NKAIN2: variants seen among roughly 807,000 people sequenced by gnomAD.
The protein encoded by NKAIN2 is sodium/potassium-transporting ATPase subunit beta-1-interacting protein 2.
In NKAIN2, 14 loss-of-function variants were observed where a neutral mutation model predicts 32.6. The ratio of observed to expected loss-of-function variants is 0.43; its 90% CI spans 0.28 to 0.67. The LOEUF is 0.67. NKAIN2 is among the 30% of genes least tolerant of loss of function. NKAIN2 has a pLI of 0.17. For synonymous variants in NKAIN2, 80 were observed against 87.2 expected, an observed-to-expected ratio of 0.92 and a Z score of 0.46; for missense variants, 198 against 258.3, an observed-to-expected ratio of 0.77 and a Z score of 1.60.
intron 1 of NKAIN2, among the ~76,000 whole-genome samples, chr6:124,208,427 C>T (rs1386022319): frequency 6.6e-6 from 1 of 151,640 alleles, no homozygotes; most frequent in Non-Finnish European, 1.5e-5. Context: ...ATGATGACCA[C>T]TGATGGCATC....
At position 124,046,076 on chromosome 6, in the gene NKAIN2, C is replaced by T. The variant is rs144636267; in HGVS notation, c.55-236929C>T. On this transcript the variant is annotated intron_variant, in intron 1 of 6. Coordinates refer to ENST00000368417, the MANE Select transcript of NKAIN2 (RefSeq NM_001040214.3). Reference sequence around the variant, plus strand: ...AAGAGAACAATGTATTACACATTATCTTTTTTTTTCCATAGGTTTTCAGGA... The same window carrying T: ...AAGAGAACAATGTATTACACATTATTTTTTTTTTTCCATAGGTTTTCAGGA... 2.4e-3 allele frequency among the ~76,000 whole-genome samples: 358 copies of T among 151,216 alleles called. 1 individual carries two copies. The highest frequency in any genetic ancestry group is 8.1e-3 in the African/African-American group (334 of 41,282).
chr6:123,821,663 A>T (rs1356102027), intron 1 of NKAIN2, among the ~76,000 whole-genome samples: 2 of 152,162 alleles, frequency 1.3e-5, no homozygotes, highest in Admixed American at 6.5e-5. Flanking sequence ...CTATAGTTTG[A>T]AACCACTGTG....
At chr6:124,128,329 G>A (rs955148189) in intron 1 of NKAIN2, among the ~76,000 whole-genome samples, 9 of 152,092 alleles carry the variant, frequency 5.9e-5, no homozygotes, top group Non-Finnish European at 8.8e-5. Context: ...TTACAATTTC[G>A]CTAGTCCAAC....
intron 1 of NKAIN2, among the ~76,000 whole-genome samples, chr6:124,179,229 G>T (rs1165048495): frequency 1.3e-5 from 2 of 152,168 alleles, no homozygotes; most frequent in Non-Finnish European, 2.9e-5. Context: ...AAGACCTATG[G>T]CTCACAGAGC....
At chr6:124,276,293 A>AAC (rs149321217) in intron 1 of NKAIN2, among the ~76,000 whole-genome samples, 14,326 of 145,810 alleles carry the variant, frequency 0.098, 745 homozygotes, top group Admixed American at 0.14. Flanking sequence ...CCCCTTGGTG[A>AAC]ACACACACAC....
In NKAIN2 at chr6:124,678,321, C is replaced by G. The variant is rs576738100; in HGVS notation, c.474+19935C>G. 2.0e-5 allele frequency among the ~76,000 whole-genome samples: 3 copies of G among 152,200 alleles called. No individual in the cohort carries two copies. The South Asian group carries it at 6.2e-4, about 32-fold the overall frequency. ...TACTTTTCCTTTCTCTCTCTAGTCT[C>G]CTCCTGAAACTCTCATAATATATAC... On this transcript the variant is annotated intron_variant, in intron 4 of 6. Transcript: ENST00000368417.
chr6:124,015,808 G>GAT (rs1780543292), intron 1 of NKAIN2, among the ~76,000 whole-genome samples: 1 of 152,150 alleles, frequency 6.6e-6, no homozygotes, highest in Non-Finnish European at 1.5e-5. Context: ...CTCCTCCTAA[G>GAT]AAAGTACAAT....
intron 3 of NKAIN2, among the ~76,000 whole-genome samples, chr6:124,358,491 C>T (rs1347084276): frequency 1.3e-5 from 2 of 152,100 alleles, no homozygotes; most frequent in African/African-American, 2.4e-5. Context: ...GATGGTATCT[C>T]ATTGTGGTTT....
At chr6:124,358,287 AC>A (rs1799090170) in intron 3 of NKAIN2, among the ~76,000 whole-genome samples, 1 of 152,148 alleles carries the variant, frequency 6.6e-6, no homozygotes. Context: ...TTGGGTATGT[AC>A]CCAGTAATAG....
intron 2 of NKAIN2, among the ~76,000 whole-genome samples, chr6:124,333,962 T>C (rs1445735469): frequency 1.3e-5 from 2 of 152,186 alleles, no homozygotes; most frequent in African/African-American, 4.8e-5. Flanking sequence ...CAAGTACTTT[T>C]AACAGTTTTT....
intron 3 of NKAIN2, among the ~76,000 whole-genome samples, chr6:124,646,757 C>A (rs1265427570): frequency 1.3e-5 from 2 of 151,980 alleles, no homozygotes; most frequent in Admixed American, 6.6e-5. Flanking sequence ...TTGAGACCAG[C>A]CTGGCTAACA....
Position 124,154,171 on chromosome 6 carries a change from C to T in NKAIN2, c.55-128834C>T, listed in dbSNP as rs138250016. ...AAATTTTACAGTTGAGGACTAAATA[C>T]CTCTTGATTATGATCTAGCACCATT... On this transcript the variant is annotated intron_variant, in intron 1 of 6. Coordinates refer to ENST00000368417, the MANE Select transcript of NKAIN2 (RefSeq NM_001040214.3). 2.0e-5 allele frequency among the ~76,000 whole-genome samples: 3 copies of T among 151,760 alleles called. No homozygotes were observed. In the East Asian group the frequency reaches 5.8e-4, roughly 29 times the overall value.
At chr6:124,510,649 G>A (rs1471513840) in intron 3 of NKAIN2, among the ~76,000 whole-genome samples, 1 of 152,138 alleles carries the variant, frequency 6.6e-6, no homozygotes. Flanking sequence ...TATAAAGCAT[G>A]GACATTTGAG....
At position 124,101,646 on chromosome 6, in the gene NKAIN2, A is replaced by T. The variant is rs376599665; in HGVS notation, c.55-181359A>T. On this transcript the variant is annotated intron_variant, in intron 1 of 6. Coordinates refer to ENST00000368417, the MANE Select transcript of NKAIN2 (RefSeq NM_001040214.3). ...CTAAGAACCAACCTATGTTTCAGTT[A>T]CTTGTGATACACCTAAAGTATGTAT... is the stretch of plus-strand genomic sequence containing the variant. 3.3e-5 allele frequency among the ~76,000 whole-genome samples: 5 copies of T among 152,098 alleles called. No homozygotes were observed. The East Asian group carries it at 9.7e-4, about 29-fold the overall frequency.
chr6:124,394,505 AG>A (rs1830458475), intron 3 of NKAIN2, among the ~76,000 whole-genome samples: 2 of 144,528 alleles, frequency 1.4e-5, no homozygotes, highest in Non-Finnish European at 3.1e-5. Flanking sequence ...ATAGATAGAT[AG>A]ATTAGATAGA....
chr6:124,063,014 T>C (rs1782987226), intron 1 of NKAIN2, among the ~76,000 whole-genome samples: 1 of 151,908 alleles, frequency 6.6e-6, no homozygotes, highest in African/African-American at 2.4e-5. Context: ...CCATCTCTAC[T>C]AAAATTACTA....
intron 3 of NKAIN2, among the ~76,000 whole-genome samples, chr6:124,573,375 C>T (rs1781205633): frequency 6.6e-6 from 1 of 152,068 alleles, no homozygotes; most frequent in African/African-American, 2.4e-5. Flanking sequence ...TTATTTTACG[C>T]ACCAAGACCT....
intron 1 of NKAIN2, chr6:123,829,087 A>G (rs9372759): frequency 0.41 from 62,565 of 152,094 alleles, 14,032 homozygotes; most frequent in Middle Eastern, 0.6. Context: ...GTACCTGTTT[A>G]TCTATTACAC....
At chr6:124,629,177 AC>A (rs1783467650) in intron 3 of NKAIN2, among the ~76,000 whole-genome samples, 1 of 152,146 alleles carries the variant, frequency 6.6e-6, no homozygotes, top group Non-Finnish European at 1.5e-5. Flanking sequence ...AGAAATAAGT[AC>A]CTTTTCATTT....
Sources: allele counts gnomAD v4.1 joint callset (sites outside exome capture counted in the v4.1 genomes callset), GRCh38; gene constraint gnomAD v4.1.1; transcripts MANE v1.5; gene names NCBI Gene and HGNC (gene_info 2026-07-23, HGNC 2026-07-21).